CROT: variants seen among roughly 807,000 people sequenced by gnomAD.
The protein encoded by CROT is peroxisomal carnitine O-octanoyltransferase.
Under a neutral mutation model 89.2 loss-of-function variants are expected in CROT, and 84 were observed. That is an observed-to-expected ratio of 0.94 (90% confidence interval 0.79 to 1.13). The LOEUF (loss-of-function observed/expected upper bound fraction) is 1.13, where lower values mean the gene tolerates loss of function less well. Ranked by LOEUF, CROT falls within the 50% of genes most tolerant of loss-of-function variation. The pLI, the probability that CROT is intolerant of heterozygous loss-of-function variation, is 0.00. For missense variants in CROT, 711 were observed against 727.8 expected (o/e 0.98, Z 0.27); for synonymous variants, 212 against 239.5 (o/e 0.89, Z 1.06).
At position 87,398,302 on chromosome 7, in the gene CROT, C is replaced by T. The variant is rs1465979919; in HGVS notation, c.1719-222C>T. ...ACTCTAGGGCTCTAGCTAATTTGTT[C>T]CCCTTTGTCCCTAGGTGCTAGTCAT... On this transcript the variant is annotated intron_variant, in intron 17 of 17. Coordinates refer to ENST00000331536, the MANE Select transcript of CROT (RefSeq NM_021151.4). 6.0e-6 allele frequency: 4 copies of T among 667,986 alleles called. 1 individual carries two copies. In the East Asian group the frequency reaches 8.9e-5, roughly 15 times the overall value. The allele number at this position is 667,986 out of a possible 1,614,324, so 41.4% of individuals were successfully genotyped here.
chr7:87,381,607 A>G (rs1013580578), intron 10 of CROT, among the ~76,000 whole-genome samples: 54 of 152,208 alleles, frequency 3.5e-4, no homozygotes, highest in African/African-American at 1.2e-3. Context: ...ACTTCTAGTA[A>G]AAATAGCAAT....
In CROT at chr7:87,351,153, A is replaced by G. The variant is rs544830180; in HGVS notation, c.115+1970A>G. ...GAAACCCCGTCTCTACTAAAAATGC[A>G]AAAAAATTAGCCAGGCGTGGTGGCG... is the stretch of plus-strand genomic sequence containing the variant. On this transcript the variant is annotated intron_variant, in intron 3 of 17. Transcript: ENST00000331536. 7.9e-5 allele frequency among the ~76,000 whole-genome samples: 12 copies of G among 151,772 alleles called. No homozygotes were observed. In the South Asian group the frequency reaches 2.5e-3, roughly 32 times the overall value.
At chr7:87,360,131 T>G in intron 4 of CROT, 1 of 925,200 alleles carries the variant, frequency 1.1e-6, no homozygotes, top group Non-Finnish European at 1.3e-6. Flanking sequence ...TTGTTTTATC[T>G]GTATCTTTTT....
chr7:87,369,526 G>A (rs6966140), intron 7 of CROT, 42 bp downstream of exon 7: 995,439 of 1,333,060 alleles, frequency 0.75, 376,340 homozygotes, highest in Non-Finnish European at 0.77. Context: ...GTCTTATGGT[G>A]TTGCTTGAAT....
intron 2 of CROT, among the ~76,000 whole-genome samples, chr7:87,347,417 T>A (rs1805718811): frequency 6.6e-6 from 1 of 152,226 alleles, no homozygotes; most frequent in South Asian, 2.1e-4. Context: ...CACTCTAAGA[T>A]AAGGAAATTC....
At chr7:87,357,277 C>T (rs1423577431) in intron 3 of CROT, among the ~76,000 whole-genome samples, 12 of 152,092 alleles carry the variant, frequency 7.9e-5, no homozygotes, top group South Asian at 6.2e-4. Context: ...CATATACTGG[C>T]GTACATCTTG....
chr7:87,346,591 A>G (rs2115769902), intron 2 of CROT, among the ~76,000 whole-genome samples, 161 bp downstream of exon 2: 2 of 152,334 alleles, frequency 1.3e-5, no homozygotes, highest in East Asian at 1.9e-4. Context: ...GTGGTTGAGA[A>G]TTCAAGAAAA....
At chr7:87,356,953 C>T (rs535951358) in intron 3 of CROT, among the ~76,000 whole-genome samples, 103 of 152,196 alleles carry the variant, frequency 6.8e-4, no homozygotes, top group African/African-American at 2.3e-3. Context: ...ACCTGGGAGG[C>T]GGAGGTTGCT....
At position 87,393,070 on chromosome 7, in the gene CROT, G is replaced by T; in HGVS notation, c.1718+3G>T. 6.2e-7 allele frequency: 1 copy of T among 1,611,376 alleles called. No homozygotes were observed. The highest frequency in any genetic ancestry group is 2.2e-5 in the East Asian group (1 of 44,864). On this transcript the variant is annotated splice_donor_region_variant and intron_variant, in intron 17 of 17. Coordinates refer to ENST00000331536, the MANE Select transcript of CROT (RefSeq NM_021151.4). ...TTCTACCATATCAGAGATGACAGGT[G>T]AGGCTTCTCTTTTTTATTCTTTCTG...
chr7:87,356,636 G>A (rs1368733301), intron 3 of CROT, among the ~76,000 whole-genome samples: 1 of 152,156 alleles, frequency 6.6e-6, no homozygotes, highest in African/African-American at 2.4e-5. Flanking sequence ...AAGAGAATGA[G>A]ACTCCAGGTT....
chr7:87,353,139 T>C (rs1195880429), intron 3 of CROT, among the ~76,000 whole-genome samples: 4 of 152,060 alleles, frequency 2.6e-5, no homozygotes, highest in Admixed American at 6.6e-5. Context: ...TAACGGATTT[T>C]TTTTCTTTTA....
chr7:87,391,807 C>T, intron 14 of CROT, 95 bp downstream of exon 14: 2 of 1,247,946 alleles, frequency 1.6e-6, no homozygotes, highest in Non-Finnish European at 2.2e-6. Flanking sequence ...CTTCAGTTTT[C>T]CTGGATCATT....
intron 4 of CROT, among the ~76,000 whole-genome samples, chr7:87,360,760 T>A (rs1562929510): frequency 6.6e-6 from 1 of 152,166 alleles, no homozygotes; most frequent in Non-Finnish European, 1.5e-5. Context: ...CCCCAAGTAC[T>A]CTGAAGAAAC....
intron 15 of CROT, 21 bp downstream of exon 15, chr7:87,392,665 C>A (rs1184641727): frequency 6.2e-7 from 1 of 1,610,922 alleles, no homozygotes; most frequent in Admixed American, 1.7e-5. Context: ...TAAAATTTTT[C>A]TGACTTAAAA....
intron 13 of CROT, among the ~76,000 whole-genome samples, chr7:87,387,502 G>A (rs1807219282): frequency 6.6e-6 from 1 of 151,720 alleles, no homozygotes; most frequent in Middle Eastern, 3.4e-3. Context: ...CATCATGGAG[G>A]TTAGGGGTCC....
At chr7:87,350,863 A>G (rs1805843980) in intron 3 of CROT, among the ~76,000 whole-genome samples, 1 of 152,230 alleles carries the variant, frequency 6.6e-6, no homozygotes, top group Admixed American at 6.5e-5. Context: ...GAATTTGGGT[A>G]GCCATTAATC....
At chr7:87,371,552 A>G (rs966861609) in intron 7 of CROT, among the ~76,000 whole-genome samples, 4 of 152,232 alleles carry the variant, frequency 2.6e-5, no homozygotes, top group African/African-American at 9.6e-5. Flanking sequence ...TAGAAGTGAA[A>G]TGTTCACATC....
At chr7:87,396,909 T>C (rs1000934366) in intron 17 of CROT, among the ~76,000 whole-genome samples, 1 of 152,222 alleles carries the variant, frequency 6.6e-6, no homozygotes, top group Admixed American at 6.5e-5. Flanking sequence ...TTGAGATATT[T>C]TGATGGTTGT....
intron 13 of CROT, among the ~76,000 whole-genome samples, chr7:87,383,192 T>C (rs931753020): frequency 3.3e-5 from 5 of 152,282 alleles, no homozygotes; most frequent in African/African-American, 9.6e-5. Flanking sequence ...TACTGTGCTA[T>C]CGAACACTAG....
Sources: allele counts gnomAD v4.1 joint callset (sites outside exome capture counted in the v4.1 genomes callset), GRCh38; gene constraint gnomAD v4.1.1; transcripts MANE v1.5; gene names NCBI Gene and HGNC (gene_info 2026-07-23, HGNC 2026-07-21).